The following PAFAH1B1 variants were observed in gnomAD, a reference collection of about 807,000 sequenced individuals.
PAFAH1B1 encodes the protein platelet-activating factor acetylhydrolase IB subunit beta.
In PAFAH1B1, 2 loss-of-function variants were observed where a neutral mutation model predicts 57.5. That is an observed-to-expected ratio of 0.03 (90% CI 0.01 to 0.11). The LOEUF (loss-of-function observed/expected upper bound fraction) is 0.11. Ranked by LOEUF, PAFAH1B1 falls within the 10% of genes least tolerant of loss-of-function variation. The probability of loss-of-function intolerance (pLI) is 1.00; values close to 1 mark genes in which losing one functional copy is unlikely to be tolerated. For missense variants in PAFAH1B1, 257 were observed against 512.0 expected, an observed-to-expected ratio of 0.50 and a Z score of 4.81; for synonymous variants, 152 against 169.6, an observed-to-expected ratio of 0.90 and a Z score of 0.81.
Position 2,638,082 on chromosome 17 carries a change from C to G in PAFAH1B1, c.-190-17C>G, listed in dbSNP as rs1172893876. On this transcript the variant is annotated splice_polypyrimidine_tract_variant and intron_variant, in intron 1 of 10. Transcript: ENST00000397195. ...TTTAAGTGAAATAATCTTTTTTTTT[C>G]TTCTCTTTCTCCTTAGGTGGAATGA... 1 of 461,766 alleles carries G rather than the reference C, an allele frequency of 2.2e-6. No individual in the cohort carries two copies. The highest frequency in any genetic ancestry group is 3.9e-6 in the Non-Finnish European group (1 of 256,552). 28.6% of individuals were successfully genotyped at this position (461,766 alleles called of 1,614,324 possible). A position where few individuals can be genotyped will look rare whatever the true frequency, so the allele number is the denominator to read the frequency against.
chr17:2,643,178 G>C (rs2068719588), intron 2 of PAFAH1B1, among the ~76,000 whole-genome samples: 1 of 151,474 alleles, frequency 6.6e-6, no homozygotes, highest in Non-Finnish European at 1.5e-5. Context: ...CTGCAGCCTT[G>C]ACCTCCTGGG....
rs749040257 is a variant in PAFAH1B1, at chr17:2,670,142, A to T, written c.400-21A>T. ...AGGAGTGATGGAGTTGGTGTTAACC[A>T]ATTTTCTGTTCACTTGACAGGTGTG... On this transcript the variant is annotated intron_variant, in intron 5 of 10. Coordinates refer to ENST00000397195, the MANE Select transcript of PAFAH1B1 (RefSeq NM_000430.4). 2.5e-6 allele frequency: 4 copies of T among 1,613,070 alleles called. No individual in the cohort carries two copies. In the Admixed American group the frequency reaches 6.7e-5, roughly 27 times the overall value.
At chr17:2,667,866 A>G (rs1008113145) in intron 5 of PAFAH1B1, among the ~76,000 whole-genome samples, 3 of 151,896 alleles carry the variant, frequency 2.0e-5, no homozygotes, top group Non-Finnish European at 4.4e-5. Context: ...AATTAGGAAA[A>G]GAGTTGTTTT....
At chr17:2,636,419 G>A (rs1280994428) in intron 1 of PAFAH1B1, among the ~76,000 whole-genome samples, 1 of 152,170 alleles carries the variant, frequency 6.6e-6, no homozygotes, top group African/African-American at 2.4e-5. Flanking sequence ...GAGCACCTGA[G>A]CTGTCACTTT....
At chr17:2,605,287 A>C in intron 1 of PAFAH1B1, among the ~76,000 whole-genome samples, 1 of 152,182 alleles carries the variant, frequency 6.6e-6, no homozygotes, top group Non-Finnish European at 1.5e-5. Flanking sequence ...CTGAGAAACG[A>C]GGTGTTATTA....
intron 1 of PAFAH1B1, among the ~76,000 whole-genome samples, chr17:2,634,719 A>AT (rs1369106969): frequency 6.6e-6 from 1 of 151,976 alleles, no homozygotes; most frequent in Non-Finnish European, 1.5e-5. Flanking sequence ...GGGATAAATT[A>AT]TAAAGACCTG....
At chr17:2,635,953 C>CAAAAAAAAAAAAAAAAAAA (rs560825633) in intron 1 of PAFAH1B1, among the ~76,000 whole-genome samples, 1 of 70,872 alleles carries the variant, frequency 1.4e-5, no homozygotes, top group African/African-American at 5.1e-5. Flanking sequence ...TAGAAAAATA[C>CAAAAAAAAAAAAAAAAAAA]AAAAAAAAAA....
intron 1 of PAFAH1B1, among the ~76,000 whole-genome samples, chr17:2,625,951 CAG>C (rs1431179152): frequency 6.6e-6 from 1 of 151,774 alleles, no homozygotes; most frequent in African/African-American, 2.4e-5. Flanking sequence ...TCAAGAAAAA[CAG>C]AAAAACGTTA....
chr17:2,663,251 C>T (rs1271951856), intron 2 of PAFAH1B1, among the ~76,000 whole-genome samples: 1 of 152,054 alleles, frequency 6.6e-6, no homozygotes, highest in African/African-American at 2.4e-5. Flanking sequence ...GCACTCCAGC[C>T]TGGGCAACAG....
chr17:2,657,798 G>A (rs2068956922), intron 2 of PAFAH1B1, among the ~76,000 whole-genome samples: 1 of 152,248 alleles, frequency 6.6e-6, no homozygotes, highest in Non-Finnish European at 1.5e-5. Context: ...GGAGGCAAGG[G>A]ACCATATATA....
intron 8 of PAFAH1B1, among the ~76,000 whole-genome samples, chr17:2,676,082 A>G (rs1310332882): frequency 2.6e-5 from 4 of 152,152 alleles, no homozygotes; most frequent in Non-Finnish European, 5.9e-5. Flanking sequence ...CAACAGATAA[A>G]AACAAATTGG....
intron 1 of PAFAH1B1, among the ~76,000 whole-genome samples, chr17:2,630,787 G>C (rs370269356): frequency 6.6e-6 from 1 of 152,142 alleles, no homozygotes; most frequent in Non-Finnish European, 1.5e-5. Context: ...AGACGTCTTG[G>C]AAGCTTTGTT....
At chr17:2,668,977 A>G (rs2069144673) in intron 5 of PAFAH1B1, among the ~76,000 whole-genome samples, 1 of 152,114 alleles carries the variant, frequency 6.6e-6, no homozygotes, top group Non-Finnish European at 1.5e-5. Context: ...ACACACATAC[A>G]TATATATGTG....
rs2068145008 is a variant in PAFAH1B1 at position 2,601,630 on chromosome 17, T to C, written c.-191+7624T>C. ...CTCATATTTCTATTTTTAGGAGAGA[T>C]GGAGTATCACCATGTTGGTCAGGCA... On this transcript the variant is annotated intron_variant, in intron 1 of 10. Transcript: ENST00000397195. 2.0e-5 allele frequency among the ~76,000 whole-genome samples: 3 copies of C among 152,196 alleles called. No individual in the cohort carries two copies. The South Asian group carries it at 6.2e-4, about 31-fold the overall frequency.
chr17:2,628,320 A>G (rs1229300877), intron 1 of PAFAH1B1, among the ~76,000 whole-genome samples: 4 of 152,154 alleles, frequency 2.6e-5, no homozygotes, highest in Admixed American at 6.6e-5. Flanking sequence ...TTCTACATCT[A>G]TTGAGATGAT....
In PAFAH1B1 at chr17:2,684,856, T is replaced by G. The variant is rs919684866; in HGVS notation, c.*3054T>G. 1 of 152,586 alleles carries G rather than the reference T, an allele frequency of 6.6e-6. No homozygotes were observed. The highest frequency in any genetic ancestry group is 1.5e-5 in the Non-Finnish European group (1 of 68,038). 9.5% of individuals were successfully genotyped at this position (152,586 alleles called of 1,614,324 possible). A position where few individuals can be genotyped will look rare whatever the true frequency, so the allele number is the denominator to read the frequency against. ...CCCCGCCTCCCCGCTGCCAGTGCCC[T>G]GCTCTCCCGTTCGCCTCTTTCTGTT... is the stretch of plus-strand genomic sequence containing the variant. On this transcript the variant is annotated 3_prime_UTR_variant, in exon 11 of 11. Coordinates refer to ENST00000397195, the MANE Select transcript of PAFAH1B1 (RefSeq NM_000430.4).
At chr17:2,665,187 T>C (rs2069089949) in intron 2 of PAFAH1B1, among the ~76,000 whole-genome samples, 185 bp from the exon 3 acceptor site, 1 of 151,950 alleles carries the variant, frequency 6.6e-6, no homozygotes, top group Non-Finnish European at 1.5e-5. Flanking sequence ...GGATGTAGTA[T>C]GACAGGGGCT....
At chr17:2,598,562 A>C (rs1388967281) in intron 1 of PAFAH1B1, among the ~76,000 whole-genome samples, 2 of 150,818 alleles carry the variant, frequency 1.3e-5, no homozygotes, top group East Asian at 3.9e-4. Context: ...ATTCTTTGCC[A>C]CTGTTTTTAT....
Position 2,598,012 on chromosome 17 carries a change from C to T in PAFAH1B1, c.-191+4006C>T, listed in dbSNP as rs138289938. Among the ~76,000 whole-genome samples, 595 of 151,834 alleles carry T rather than the reference C, an allele frequency of 3.9e-3. 3 individuals are homozygous for T. Among genetic ancestry groups the T allele is most frequent in the South Asian group, 0.012 (56 of 4,806 alleles). Reference sequence around the variant, plus strand: ...TTACACTCCCAGAACTTTGGGAGGCCGAGGCGGGTGGATCACCTGAGGTCA... The same window carrying T: ...TTACACTCCCAGAACTTTGGGAGGCTGAGGCGGGTGGATCACCTGAGGTCA... On this transcript the variant is annotated intron_variant, in intron 1 of 10. Coordinates refer to ENST00000397195, the MANE Select transcript of PAFAH1B1 (RefSeq NM_000430.4).
Sources: allele counts gnomAD v4.1 joint callset (sites outside exome capture counted in the v4.1 genomes callset), GRCh38; gene constraint gnomAD v4.1.1; transcripts MANE v1.5; gene names NCBI Gene and HGNC (gene_info 2026-07-23, HGNC 2026-07-21).